The following SAMD12 variants were observed in gnomAD, a reference collection of about 807,000 sequenced individuals.
The protein encoded by SAMD12 is sterile alpha motif domain-containing protein 12.
In SAMD12, 9 loss-of-function variants were observed where a neutral mutation model predicts 15.0. The observed-to-expected ratio is 0.60, with a 90% CI of 0.36 to 1.05. SAMD12 has a LOEUF of 1.05. SAMD12 is among the 50% of genes least tolerant of loss of function. SAMD12 has a pLI of 0.01. For missense variants in SAMD12, 230 were observed against 234.2 expected, an observed-to-expected ratio of 0.98 and a Z score of 0.12; for synonymous variants, 86 against 90.1, an observed-to-expected ratio of 0.96 and a Z score of 0.25.
At chr8:118,139,999 G>A in the SAMD12 span, among the ~76,000 whole-genome samples, 5 of 152,290 alleles carry the variant, frequency 3.3e-5, no homozygotes, top group East Asian at 7.7e-4. Flanking sequence ...CTTCCCAGCT[G>A]AAATCACAGG....
At chr8:118,288,213 A>T (rs1022613380) in intron 4 of SAMD12, 1 of 152,206 alleles carries the variant, frequency 6.6e-6, no homozygotes, top group Admixed American at 6.5e-5. Flanking sequence ...ACTGCAATAT[A>T]CTTATTTATT....
intron 2 of SAMD12, among the ~76,000 whole-genome samples, chr8:118,502,604 A>G (rs1824816062): frequency 1.3e-5 from 2 of 152,266 alleles, no homozygotes; most frequent in Admixed American, 1.3e-4. Context: ...AATATATTGA[A>G]GAGCACATTT....
chr8:118,165,610 ATATG>A, the SAMD12 span, among the ~76,000 whole-genome samples: 2 of 17,122 alleles, frequency 1.2e-4, no homozygotes, highest in South Asian at 3.6e-3. Context: ...ATACATATAT[ATATG>A]TATATATATA....
intron 4 of SAMD12, among the ~76,000 whole-genome samples, chr8:118,237,066 T>C (rs1050510796): frequency 2.0e-5 from 3 of 152,206 alleles, no homozygotes; most frequent in East Asian, 3.9e-4. Context: ...GTGGTTATGA[T>C]ACCATGTCCA....
chr8:118,443,122 G>C (rs1190748997), intron 2 of SAMD12, among the ~76,000 whole-genome samples: 1 of 152,036 alleles, frequency 6.6e-6, no homozygotes, highest in East Asian at 1.9e-4. Flanking sequence ...CTCTTACTAG[G>C]CATATACTAG....
intron 4 of SAMD12, among the ~76,000 whole-genome samples, chr8:118,336,536 C>T (rs1043814871): frequency 2.0e-5 from 3 of 152,044 alleles, no homozygotes; most frequent in African/African-American, 7.3e-5. Flanking sequence ...GGGTAGATAC[C>T]CCGTAATGGG....
At chr8:118,613,675 A>G (rs1458113591) in intron 1 of SAMD12, among the ~76,000 whole-genome samples, 1 of 152,202 alleles carries the variant, frequency 6.6e-6, no homozygotes, top group Admixed American at 6.5e-5. Context: ...GGCTTAACTC[A>G]GATCTTAATT....
intron 3 of SAMD12, among the ~76,000 whole-genome samples, chr8:118,391,032 T>C (rs143309258): frequency 2.6e-5 from 4 of 152,334 alleles, no homozygotes; most frequent in Non-Finnish European, 4.4e-5. Flanking sequence ...GCATTGTTTT[T>C]AGCTCTCCGA....
intron 2 of SAMD12, among the ~76,000 whole-genome samples, chr8:118,468,778 T>C (rs576367297): frequency 3.9e-5 from 6 of 152,234 alleles, no homozygotes; most frequent in African/African-American, 1.4e-4. Flanking sequence ...TGGTAGTTTA[T>C]CCATGGGTGT....
At chr8:118,317,597 G>T (rs1160621820) in intron 4 of SAMD12, among the ~76,000 whole-genome samples, 1 of 152,132 alleles carries the variant, frequency 6.6e-6, no homozygotes, top group Non-Finnish European at 1.5e-5. Flanking sequence ...TTAGAATTTG[G>T]CATTTATCTT....
chr8:118,506,861 A>T (rs191145768), intron 2 of SAMD12, among the ~76,000 whole-genome samples: 87 of 151,418 alleles, frequency 5.7e-4, no homozygotes, highest in African/African-American at 2.0e-3. Flanking sequence ...ACAGCTGATC[A>T]GGAACCTTCA....
the SAMD12 span, among the ~76,000 whole-genome samples, chr8:118,133,299 G>T: frequency 1.3e-5 from 2 of 151,746 alleles, no homozygotes; most frequent in African/African-American, 4.8e-5. Context: ...ATGGCTTATA[G>T]GGCATTTTGA....
At chr8:118,221,535 C>A (rs886961735) in intron 4 of SAMD12, among the ~76,000 whole-genome samples, 3 of 151,968 alleles carry the variant, frequency 2.0e-5, no homozygotes, top group African/African-American at 4.8e-5. Flanking sequence ...ATAAAAGGAT[C>A]AGCTATGGCT....
At chr8:118,543,784 T>C (rs1826051362) in intron 2 of SAMD12, among the ~76,000 whole-genome samples, 2 of 152,116 alleles carry the variant, frequency 1.3e-5, no homozygotes, top group Non-Finnish European at 2.9e-5. Flanking sequence ...TCAGAATATA[T>C]ATTTGCATTA....
chr8:118,200,890 G>A (rs558904637), intron 4 of SAMD12, among the ~76,000 whole-genome samples: 2 of 152,262 alleles, frequency 1.3e-5, no homozygotes, highest in East Asian at 3.9e-4. Flanking sequence ...CACCATCACG[G>A]CTCATTGTAG....
chr8:118,318,327 T>TATATATATATATATAC (rs1563758918), intron 4 of SAMD12, among the ~76,000 whole-genome samples: 561 of 34,958 alleles, frequency 0.016, 10 homozygotes, highest in Non-Finnish European at 0.04. Context: ...TATATATATA[T>TATATATATATATATAC]ATATATATAT....
rs116153221 is a variant in SAMD12 at position 118,456,982 on chromosome 8, C to T, written c.193-17021G>A. Among the ~76,000 whole-genome samples the T allele has an allele frequency of 5.8e-3, 883 of 152,268 alleles. 9 individuals carry two copies. Among genetic ancestry groups the T allele is most frequent in the African/African-American group, 0.019 (771 of 41,542 alleles). On this transcript the variant is annotated intron_variant, in intron 2 of 3. Coordinates refer to ENST00000314727, the MANE Select transcript of SAMD12 (RefSeq NM_207506.3). ...AGCTGTGTTACTCACAAGCAGGTAG[C>T]TTAATTTCTCTAAGCCTCTGCTTCA...
At chr8:118,283,484 T>C (rs1250803755) in intron 4 of SAMD12, among the ~76,000 whole-genome samples, 3 of 152,182 alleles carry the variant, frequency 2.0e-5, no homozygotes, top group Admixed American at 2.0e-4. Flanking sequence ...GACTAATCCA[T>C]CACAGCATTC....
At chr8:118,202,861 C>T (rs1819752786) in intron 4 of SAMD12, among the ~76,000 whole-genome samples, 1 of 152,146 alleles carries the variant, frequency 6.6e-6, no homozygotes, top group Non-Finnish European at 1.5e-5. Context: ...AAAGTGAGAT[C>T]CATGGTTGCC....
Sources: allele counts gnomAD v4.1 joint callset (sites outside exome capture counted in the v4.1 genomes callset), GRCh38; gene constraint gnomAD v4.1.1; transcripts MANE v1.5; gene names NCBI Gene and HGNC (gene_info 2026-07-23, HGNC 2026-07-21).